The following MYO16 variants were observed in gnomAD, a reference collection of about 807,000 sequenced individuals.
The protein encoded by MYO16 is unconventional myosin-XVI.
In MYO16, 94 loss-of-function variants were observed where a neutral mutation model predicts 205.3. That is an observed-to-expected ratio of 0.46 (90% CI 0.39 to 0.54). MYO16 has a LOEUF of 0.54. Among genes scored for constraint, MYO16 ranks in the 20% least tolerant of loss-of-function variants. MYO16 has a pLI of 0.00. For synonymous variants in MYO16, 988 were observed against 954.0 expected, an observed-to-expected ratio of 1.04 and a Z score of -0.66; for missense variants, 2,315 against 2,387.5, an observed-to-expected ratio of 0.97 and a Z score of 0.63.
chr13:108,554,901 CT>C, the MYO16 span, among the ~76,000 whole-genome samples: 1 of 142,920 alleles, frequency 7.0e-6, no homozygotes, highest in Non-Finnish European at 1.5e-5. Context: ...CTCTACCTAT[CT>C]TTTGGTAGTG....
chr13:109,182,656 C>A (rs975977662), intron 34 of MYO16, among the ~76,000 whole-genome samples: 1 of 152,076 alleles, frequency 6.6e-6, no homozygotes, highest in Non-Finnish European at 1.5e-5. Flanking sequence ...AGTTTTACAT[C>A]CAAACAAGTA....
At chr13:108,987,221 G>A (rs1001410798) in intron 20 of MYO16, among the ~76,000 whole-genome samples, 44 of 152,314 alleles carry the variant, frequency 2.9e-4, no homozygotes, top group African/African-American at 1.0e-3. Context: ...AAGGCCGGAC[G>A]GCCTCTCTGG....
chr13:109,082,460 G>T (rs1052435498), intron 27 of MYO16, among the ~76,000 whole-genome samples: 1 of 152,138 alleles, frequency 6.6e-6, no homozygotes, highest in African/African-American at 2.4e-5. Flanking sequence ...CTTAACAAAG[G>T]TGAAAATTGA....
intron 10 of MYO16, among the ~76,000 whole-genome samples, chr13:108,852,345 A>G (rs773649339): frequency 7.2e-5 from 11 of 152,130 alleles, no homozygotes; most frequent in Non-Finnish European, 1.3e-4. Flanking sequence ...TATTGAATAG[A>G]TGTCATCAGA....
chr13:108,713,077 G>A (rs534250110), intron 3 of MYO16, among the ~76,000 whole-genome samples: 10 of 152,038 alleles, frequency 6.6e-5, no homozygotes, highest in East Asian at 3.9e-4. Context: ...TACTTTGCTC[G>A]TGATCCAGCT....
At chr13:109,003,114 A>T (rs1039478533) in intron 21 of MYO16, among the ~76,000 whole-genome samples, 1 of 152,202 alleles carries the variant, frequency 6.6e-6, no homozygotes, top group African/African-American at 2.4e-5. Flanking sequence ...TTGAAAAAAA[A>T]CATTCTACTT....
the MYO16 span, among the ~76,000 whole-genome samples, chr13:108,564,367 C>T: frequency 3.3e-5 from 5 of 152,028 alleles, no homozygotes; most frequent in Non-Finnish European, 7.4e-5. Context: ...GACGCGGTTT[C>T]GCCATGCTGG....
At chr13:108,522,481 T>C in the MYO16 span, among the ~76,000 whole-genome samples, 56 of 152,278 alleles carry the variant, frequency 3.7e-4, no homozygotes, top group East Asian at 0.01. Flanking sequence ...AGGGCTAGCA[T>C]GACAAAATCC....
At chr13:108,850,686 A>G (rs1204875030) in intron 10 of MYO16, among the ~76,000 whole-genome samples, 1 of 152,232 alleles carries the variant, frequency 6.6e-6, no homozygotes, top group Non-Finnish European at 1.5e-5. Flanking sequence ...TTTGAAATCT[A>G]TAAAGAATCT....
chr13:109,016,767 C>T (rs553521412), intron 22 of MYO16, among the ~76,000 whole-genome samples: 15 of 151,912 alleles, frequency 9.9e-5, no homozygotes, highest in African/African-American at 3.6e-4. Flanking sequence ...TTTTATGAGA[C>T]ACAAGTATTG....
Position 109,055,629 on chromosome 13 carries a change from G to T in MYO16, c.3335+34G>T, listed in dbSNP as rs765953523. 1 of 1,567,900 alleles carries T rather than the reference G, an allele frequency of 6.4e-7. No homozygotes were observed. Among genetic ancestry groups the T allele is most frequent in the South Asian group, 1.1e-5 (1 of 90,334 alleles). On this transcript the variant is annotated intron_variant, in intron 27 of 34. Coordinates refer to ENST00000457511, the MANE Select transcript of MYO16 (RefSeq NM_001198950.3). This position sits in a 1 kb window ranked among gnomAD's most constrained non-coding sequence, Gnocchi z 5.0. ...TTCTGCTCTTAAAATCGTCGTTCTC[G>T]CTGCTGTTCAGTGCAGTGTACTGAC...
Position 108,771,474 on chromosome 13 carries a change from G to C in MYO16, c.508-14161G>C, listed in dbSNP as rs76706920. 7.1e-3 allele frequency among the ~76,000 whole-genome samples: 1,080 copies of C among 152,170 alleles called. 11 individuals carry two copies. Among genetic ancestry groups the C allele is most frequent in the African/African-American group, 0.024 (986 of 41,484 alleles). Reference sequence around the variant, plus strand: ...CCAGAGTAGTTCATTTGTTACAACTGATGAACCTACCTTGACCTATCGTTA... The same window carrying C: ...CCAGAGTAGTTCATTTGTTACAACTCATGAACCTACCTTGACCTATCGTTA... On this transcript the variant is annotated intron_variant, in intron 4 of 34. Transcript: ENST00000457511.
At chr13:109,122,098 C>A (rs1449502218) in intron 29 of MYO16, among the ~76,000 whole-genome samples, 1 of 152,208 alleles carries the variant, frequency 6.6e-6, no homozygotes, top group East Asian at 1.9e-4. Flanking sequence ...GCTAGCACAG[C>A]AATGCCTCAG....
intron 1 of MYO16, among the ~76,000 whole-genome samples, chr13:108,614,808 C>A (rs893959691): frequency 7.6e-6 from 1 of 131,066 alleles, no homozygotes; most frequent in Non-Finnish European, 1.7e-5. Flanking sequence ...ACCATATACA[C>A]AAATTAACAA....
intron 34 of MYO16, among the ~76,000 whole-genome samples, chr13:109,185,478 A>G (rs922703633): frequency 6.6e-6 from 1 of 152,214 alleles, no homozygotes; most frequent in Non-Finnish European, 1.5e-5. Context: ...TCTGAAAACC[A>G]GTTCTGATTT....
intron 10 of MYO16, among the ~76,000 whole-genome samples, chr13:108,848,249 C>T (rs545978556): frequency 1.3e-5 from 2 of 152,152 alleles, no homozygotes; most frequent in South Asian, 2.1e-4. Context: ...ACTCCCTGCC[C>T]GGATCTGTTC....
rs369913740 is a variant in MYO16, at chr13:109,054,985, C to CTTCCT, written c.3049-42_3049-38dup. The CTTCCT allele has an allele frequency of 3.2e-4, 356 of 1,105,404 alleles. 1 individual carries two copies. In the African/African-American group the frequency reaches 3.8e-3, roughly 12 times the overall value. The allele number at this position is 1,105,404 out of a possible 1,614,324, so 68.5% of individuals were successfully genotyped here. A position where few individuals can be genotyped will look rare whatever the true frequency, so the allele number is the denominator to read the frequency against. ...CCCTTCCTCCCTCCTTTTCCTCCTT[C>CTTCCT]TTCCTTTCCTTTCCTTTCCTTTCTT... On this transcript the variant is annotated intron_variant, in intron 25 of 34. Transcript: ENST00000457511.
chr13:108,519,204 G>C, the MYO16 span, among the ~76,000 whole-genome samples: 2 of 152,192 alleles, frequency 1.3e-5, no homozygotes, highest in Non-Finnish European at 2.9e-5. Context: ...GGTGAGCACT[G>C]AATAGTTTAA....
chr13:108,763,698 T>G (rs1244569358), intron 4 of MYO16, among the ~76,000 whole-genome samples: 3 of 151,908 alleles, frequency 2.0e-5, no homozygotes, highest in Non-Finnish European at 4.4e-5. Context: ...CCTTTTAGGA[T>G]GTGTTAGGGT....
Sources: allele counts gnomAD v4.1 joint callset (sites outside exome capture counted in the v4.1 genomes callset), GRCh38; gene constraint gnomAD v4.1.1; non-coding constraint Gnocchi (gnomAD v3.1); transcripts MANE v1.5; gene names NCBI Gene and HGNC (gene_info 2026-07-23, HGNC 2026-07-21).